Variants in RUNX2 observed in about 807,000 individuals in gnomAD.
RUNX2 encodes the protein runt-related transcription factor 2.
In RUNX2, 10 loss-of-function variants were observed where a neutral mutation model predicts 51.7. The ratio of observed to expected loss-of-function variants is 0.19; its 90% CI spans 0.12 to 0.33. The LOEUF is 0.33. RUNX2 is among the 10% of genes least tolerant of loss of function. RUNX2 has a pLI of 1.00. For missense variants in RUNX2, 562 were observed against 691.3 expected (o/e 0.81, Z 2.10); for synonymous variants, 276 against 273.6 (o/e 1.01, Z -0.09).
At chr6:45,349,186 C>T (rs550244436) in intron 2 of RUNX2, among the ~76,000 whole-genome samples, 1 of 152,158 alleles carries the variant, frequency 6.6e-6, no homozygotes, top group African/African-American at 2.4e-5. Context: ...AAAAGAATAT[C>T]GCTAGTATTT....
intron 7 of RUNX2, among the ~76,000 whole-genome samples, chr6:45,535,558 T>G (rs561538137): frequency 6.6e-6 from 1 of 151,216 alleles, no homozygotes; most frequent in East Asian, 1.9e-4. Context: ...GAGCCGAGAT[T>G]GCGCCACTGC....
At chr6:45,397,961 T>G (rs1797618443) in intron 2 of RUNX2, among the ~76,000 whole-genome samples, 1 of 152,196 alleles carries the variant, frequency 6.6e-6, no homozygotes, top group South Asian at 2.1e-4. Context: ...GAACCTAGCA[T>G]TGTGCCTAGA....
rs57286794 is a variant in RUNX2 at position 45,516,947 on chromosome 6, G to GT, written c.1021+4550dup. On this transcript the variant is annotated intron_variant, in intron 7 of 8. Coordinates refer to ENST00000647337, the MANE Select transcript of RUNX2 (RefSeq NM_001024630.4). Reference sequence around the variant, plus strand: ...TGAGTCTCCTAGAGAGCTTACACAGGTTTTTTTTTTCACTGCAAATAACTC... The same window carrying GT: ...TGAGTCTCCTAGAGAGCTTACACAGGTTTTTTTTTTTCACTGCAAATAACTC... Among the ~76,000 whole-genome samples the GT allele has an allele frequency of 4.3e-4, 65 of 149,726 alleles. No homozygotes were observed. The South Asian group carries it at 5.3e-3, about 12-fold the overall frequency.
At chr6:45,329,086 C>T (rs377230483) in intron 2 of RUNX2, among the ~76,000 whole-genome samples, 1 of 151,808 alleles carries the variant, frequency 6.6e-6, no homozygotes, top group East Asian at 1.9e-4. Flanking sequence ...CAGTTTAATA[C>T]TCTCATTAAC....
intron 5 of RUNX2, among the ~76,000 whole-genome samples, chr6:45,462,215 A>G (rs1268070644): frequency 2.0e-5 from 3 of 152,208 alleles, no homozygotes; most frequent in Non-Finnish European, 4.4e-5. Flanking sequence ...TTATATCCAT[A>G]TGTTAAGCAA....
chr6:45,427,708 A>G (rs1798421959), intron 3 of RUNX2, among the ~76,000 whole-genome samples: 1 of 152,164 alleles, frequency 6.6e-6, no homozygotes, highest in Non-Finnish European at 1.5e-5. Context: ...TGATTAGTTA[A>G]GACTAGACTT....
intron 5 of RUNX2, among the ~76,000 whole-genome samples, chr6:45,458,010 T>A (rs1032870658): frequency 6.7e-6 from 1 of 148,416 alleles, no homozygotes; most frequent in African/African-American, 2.5e-5. Flanking sequence ...CAATGATAAA[T>A]TCTGGGATAG....
intron 6 of RUNX2, among the ~76,000 whole-genome samples, chr6:45,501,944 A>G (rs1302715518): frequency 6.6e-6 from 1 of 152,218 alleles, no homozygotes; most frequent in Non-Finnish European, 1.5e-5. Flanking sequence ...GGAATAAGGG[A>G]ATGTAAAACC....
intron 7 of RUNX2, among the ~76,000 whole-genome samples, chr6:45,535,520 C>T (rs897295051): frequency 5.9e-5 from 9 of 151,698 alleles, no homozygotes; most frequent in Non-Finnish European, 1.2e-4. Context: ...AGAAGAATGG[C>T]GTGAACCCGG....
At chr6:45,348,888 T>C (rs1390032245) in intron 2 of RUNX2, among the ~76,000 whole-genome samples, 2 of 152,178 alleles carry the variant, frequency 1.3e-5, no homozygotes, top group African/African-American at 4.8e-5. Flanking sequence ...CCCATTACAC[T>C]ATCTCATAGT....
At chr6:45,449,157 C>T (rs1799086034) in intron 5 of RUNX2, among the ~76,000 whole-genome samples, 1 of 152,178 alleles carries the variant, frequency 6.6e-6, no homozygotes, top group Non-Finnish European at 1.5e-5. Flanking sequence ...TCTTTTGAGA[C>T]CTCATTGCCA....
intron 2 of RUNX2, among the ~76,000 whole-genome samples, chr6:45,391,156 A>G (rs1279229337): frequency 6.6e-6 from 1 of 152,154 alleles, no homozygotes; most frequent in Non-Finnish European, 1.5e-5. Flanking sequence ...GTTTATCCAC[A>G]CGAAATTTCA....
chr6:45,387,084 T>C (rs967418963), intron 2 of RUNX2, among the ~76,000 whole-genome samples: 5 of 151,984 alleles, frequency 3.3e-5, no homozygotes, highest in African/African-American at 9.7e-5. Flanking sequence ...GCTAAAGAAG[T>C]AGAATTTTAT....
rs570784718 is a variant in RUNX2, at chr6:45,535,528, C to T, written c.1022-9689C>T. Among the ~76,000 whole-genome samples, 6 of 151,678 alleles carry T rather than the reference C, an allele frequency of 4.0e-5. No individual in the cohort carries two copies. In the South Asian group the frequency reaches 6.3e-4, roughly 16 times the overall value. ...CTGAGGCAGAAGAATGGCGTGAACCCGGGAGGCAGAGCTTGCAGTGAGCCG... is the reference window on the plus strand; with the variant it reads ...CTGAGGCAGAAGAATGGCGTGAACCTGGGAGGCAGAGCTTGCAGTGAGCCG... On this transcript the variant is annotated intron_variant, in intron 7 of 8. Coordinates refer to ENST00000647337, the MANE Select transcript of RUNX2 (RefSeq NM_001024630.4).
chr6:45,419,112 C>T (rs190981325), intron 2 of RUNX2, among the ~76,000 whole-genome samples: 96 of 152,224 alleles, frequency 6.3e-4, no homozygotes, highest in Non-Finnish European at 8.5e-4. Context: ...TTCTTAAATT[C>T]AATTCTAGAA....
chr6:45,350,526 C>G (rs1430933618), intron 2 of RUNX2, among the ~76,000 whole-genome samples: 1 of 152,022 alleles, frequency 6.6e-6, no homozygotes, highest in Non-Finnish European at 1.5e-5. Context: ...CACAGAAGAC[C>G]AATAATAGTC....
At chr6:45,332,155 T>C (rs1233312590) in intron 2 of RUNX2, among the ~76,000 whole-genome samples, 4 of 151,938 alleles carry the variant, frequency 2.6e-5, no homozygotes, top group African/African-American at 9.7e-5. Context: ...ACACTGGTGG[T>C]CCTCAAGTAC....
intron 5 of RUNX2, among the ~76,000 whole-genome samples, chr6:45,491,163 CT>C (rs1317144984): frequency 9.9e-5 from 15 of 152,168 alleles, no homozygotes; most frequent in African/African-American, 3.4e-4. Context: ...GGCTCCCCCC[CT>C]CCGCCAAATA....
At chr6:45,441,431 A>T (rs1798838555) in intron 5 of RUNX2, among the ~76,000 whole-genome samples, 1 of 152,190 alleles carries the variant, frequency 6.6e-6, no homozygotes, top group Non-Finnish European at 1.5e-5. Context: ...TGGTTTTCTC[A>T]TCTTTTATGT....
Sources: gnomAD v4.1 joint callset for allele counts (sites outside exome capture counted in the v4.1 genomes callset) on GRCh38, gnomAD v4.1.1 for gene constraint, MANE v1.5 for transcripts, NCBI Gene and HGNC (gene_info 2026-07-23, HGNC 2026-07-21) for gene names.